Variants in TBCD observed in about 807,000 individuals in gnomAD.
The protein encoded by TBCD is tubulin folding cofactor D.
Under a neutral mutation model 169.3 loss-of-function variants are expected in TBCD, and 105 were observed. That is an observed-to-expected ratio of 0.62 (90% CI 0.53 to 0.73). TBCD has a LOEUF of 0.73. Among genes scored for constraint, TBCD ranks in the 30% least tolerant of loss-of-function variants. The probability of loss-of-function intolerance (pLI) is 0.00; values close to 1 mark genes in which losing one functional copy is unlikely to be tolerated. For synonymous variants in TBCD, 700 were observed against 643.9 expected, an observed-to-expected ratio of 1.09 and a Z score of -1.32; for missense variants, 1,444 against 1,600.1, an observed-to-expected ratio of 0.90 and a Z score of 1.66.
chr17:82,772,059 T>C (rs923426959), intron 5 of TBCD, among the ~76,000 whole-genome samples: 1 of 152,236 alleles, frequency 6.6e-6, no homozygotes, highest in African/African-American at 2.4e-5. Context: ...GGGCCTCTTA[T>C]CTAGTCTGAA....
chr17:82,831,592 G>T lies in TBCD; in HGVS notation c.1318+16658G>T. On this transcript the variant is annotated intron_variant, in intron 13 of 38. Coordinates refer to ENST00000355528, the MANE Select transcript of TBCD (RefSeq NM_005993.5). The surrounding 1 kb of genome is among the most constrained non-coding windows in gnomAD (Gnocchi z 4.6). ...AGCCAGGTGCTTAGGGATCGGCCCC[G>T]GGTGAGGCAGGAAGTGTCTCGGGTC... is the stretch of plus-strand genomic sequence containing the variant. The T allele has an allele frequency of 6.2e-7, 1 of 1,614,130 alleles. No individual in the cohort carries two copies. The highest frequency in any genetic ancestry group is 8.5e-7 in the Non-Finnish European group (1 of 1,179,992).
chr17:82,831,482 C>T lies in TBCD; in HGVS notation c.1318+16548C>T, dbSNP rs2053505833. 1.2e-6 allele frequency: 2 copies of T among 1,614,040 alleles called. No individual in the cohort carries two copies. The highest frequency in any genetic ancestry group is 1.7e-6 in the Non-Finnish European group (2 of 1,180,052). On this transcript the variant is annotated intron_variant, in intron 13 of 38. Coordinates refer to ENST00000355528, the MANE Select transcript of TBCD (RefSeq NM_005993.5). The surrounding 1 kb of genome is among the most constrained non-coding windows in gnomAD (Gnocchi z 4.6). ...AGACCATAGGAGGAAAATGCAGACT[C>T]TGGCCTGTAAAATCCGTAAGGAATC... is the stretch of plus-strand genomic sequence containing the variant.
chr17:82,837,820 C>A (rs761276391), intron 13 of TBCD, among the ~76,000 whole-genome samples: 6 of 152,220 alleles, frequency 3.9e-5, no homozygotes, highest in Non-Finnish European at 7.3e-5. Context: ...AACACACCTC[C>A]TCCGAGCCTG....
intron 13 of TBCD, among the ~76,000 whole-genome samples, chr17:82,862,246 G>C (rs1165020871): frequency 1.3e-5 from 2 of 152,198 alleles, no homozygotes; most frequent in Non-Finnish European, 2.9e-5. Flanking sequence ...TTATATTGTG[G>C]TGTGAGTTTA....
chr17:82,911,264 T>C (rs1396426617), intron 22 of TBCD, among the ~76,000 whole-genome samples: 37 of 152,038 alleles, frequency 2.4e-4, no homozygotes, highest in Admixed American at 2.4e-3. Flanking sequence ...CAGGAGTGAA[T>C]ATTTTGCCCT....
rs1240337802 is a variant in TBCD at position 82,884,401 on chromosome 17, C to T, written c.1533+199C>T. The stretch of plus-strand genomic sequence containing the variant: ...GCGTCTTCAGCGTGTGAAGGGCGGT[C>T]AGGGTTAAGCATCCCCAGAGCTGCA... On this transcript the variant is annotated intron_variant, in intron 15 of 38. Transcript: ENST00000355528. The surrounding 1 kb of genome is among the most constrained non-coding windows in gnomAD (Gnocchi z 4.2). Among the ~76,000 whole-genome samples the T allele has an allele frequency of 6.6e-6, 1 of 152,180 alleles. No individual in the cohort carries two copies. Among genetic ancestry groups the T allele is most frequent in the Non-Finnish European group, 1.5e-5 (1 of 68,032 alleles).
At position 82,929,459 on chromosome 17, in the gene TBCD, C is replaced by G; in HGVS notation, c.2950C>G (p.Leu984Val). 6.2e-7 allele frequency: 1 copy of G among 1,610,932 alleles called. No homozygotes were observed. Among genetic ancestry groups the G allele is most frequent in the Non-Finnish European group, 8.5e-7 (1 of 1,179,876 alleles). The change falls in exon 32 of 39, where the codon CTG (leucine) becomes GTG (valine). Residue 984 changes from leucine (L) to valine (V), a missense_variant. Transcript: ENST00000355528. ...GLPTYRYHVL[L>V]GLVVSLGGLT... ...GCCCACCTACCGCTACCACGTCCTG[C>G]TGGGGCTAGTCGTGTCCCTGGGCGG...
At chr17:82,867,772 A>C (rs2057280404) in intron 13 of TBCD, among the ~76,000 whole-genome samples, 1 of 152,160 alleles carries the variant, frequency 6.6e-6, no homozygotes, top group Non-Finnish European at 1.5e-5. Flanking sequence ...TAGAAGGAAA[A>C]TGTTTGACAT....
chr17:82,920,536 CT>C lies in TBCD; in HGVS notation c.2039-5del, dbSNP rs3214869. ...TTAGAAAAGTAACATTGCGTCTATCCTTTTTTTTTTTTTTTCCAGTGTGTGT... is the reference window on the plus strand; with the variant it reads ...TTAGAAAAGTAACATTGCGTCTATCCTTTTTTTTTTTTTTCCAGTGTGTGT... On this transcript the variant is annotated intron_variant, in intron 23 of 38. Coordinates refer to ENST00000355528, the MANE Select transcript of TBCD (RefSeq NM_005993.5). This position sits in a 1 kb window ranked among gnomAD's most constrained non-coding sequence, Gnocchi z 4.1. 0.083 allele frequency: 105,548 copies of C among 1,269,118 alleles called. 1 individual carries two copies. The highest frequency in any genetic ancestry group is 0.13 in the East Asian group (4,065 of 32,384). 78.6% of individuals were successfully genotyped at this position (1,269,118 alleles called of 1,614,324 possible).
At chr17:82,773,893 A>AT (rs1005928128) in intron 6 of TBCD, among the ~76,000 whole-genome samples, 13 of 150,136 alleles carry the variant, frequency 8.7e-5, no homozygotes, top group East Asian at 2.0e-4. Flanking sequence ...TGCTCAGCTA[A>AT]TTTTTTTTTG....
intron 13 of TBCD, among the ~76,000 whole-genome samples, chr17:82,819,807 T>A (rs1005750619): frequency 1.3e-5 from 2 of 152,192 alleles, no homozygotes; most frequent in African/African-American, 2.4e-5. Flanking sequence ...CTGGCGTAGG[T>A]CCTTTCACCT....
At position 82,929,444 on chromosome 17, in the gene TBCD, C is replaced by T. The variant is rs768723646; in HGVS notation, c.2935C>T (p.Arg979Cys). 6.9e-5 allele frequency: 112 copies of T among 1,611,870 alleles called. No homozygotes were observed. The highest frequency in any genetic ancestry group is 3.3e-4 in the Middle Eastern group (2 of 6,084). The change falls in exon 32 of 39, where the codon CGC becomes TGC. Residue 979 changes from arginine (R) to cysteine (C), a missense_variant. Transcript: ENST00000355528. ...ITQLLGLPTY[R>C]YHVLLGLVVS... ...CCAGCTCCTTGGGCTGCCCACCTAC[C>T]GCTACCACGTCCTGCTGGGGCTAGT...
At chr17:82,837,091 G>T (rs182540477) in intron 13 of TBCD, among the ~76,000 whole-genome samples, 3 of 152,176 alleles carry the variant, frequency 2.0e-5, no homozygotes, top group African/African-American at 7.2e-5. Context: ...GTTGTAAGCC[G>T]GGCGTAGGTC....
At chr17:82,871,942 G>A (rs2057598611) in intron 14 of TBCD, among the ~76,000 whole-genome samples, 1 of 146,464 alleles carries the variant, frequency 6.8e-6, no homozygotes, top group South Asian at 2.1e-4. Flanking sequence ...CTGGTAAGCA[G>A]CTCGTTGTGA....
In TBCD at chr17:82,831,305, C is replaced by T; in HGVS notation, c.1318+16371C>T. The T allele has an allele frequency of 3.7e-6, 6 of 1,613,958 alleles. No homozygotes were observed. Among genetic ancestry groups the T allele is most frequent in the Middle Eastern group, 3.3e-4 (2 of 6,062 alleles). ...TGCCCAGCCTTGGAGGAGTCTTTAG[C>T]CTCAGGAATTGGACTTTCGAACTCG... On this transcript the variant is annotated intron_variant, in intron 13 of 38. Transcript: ENST00000355528. The surrounding 1 kb of genome is among the most constrained non-coding windows in gnomAD (Gnocchi z 4.6).
chr17:82,938,009 G>T (rs760350165), intron 35 of TBCD, 40 bp from the exon 36 acceptor site: 7 of 1,609,346 alleles, frequency 4.3e-6, no homozygotes, highest in East Asian at 4.5e-5. Flanking sequence ...TGGCCTGCGC[G>T]GGGTGGGGCT....
rs1334681192 is a variant in TBCD at position 82,893,534 on chromosome 17, ACTTT to A, written c.1564-9_1564-6del. ...AAATTCTTCTTTTTCCCCCATTTCC[ACTTT>A]CTTATTAGGGCACTTTCCCTCATGG... is the stretch of plus-strand genomic sequence containing the variant. On this transcript the variant is annotated splice_polypyrimidine_tract_variant and intron_variant, in intron 16 of 38. Transcript: ENST00000355528. The A allele has an allele frequency of 1.3e-6, 2 of 1,591,698 alleles. No homozygotes were observed. The highest frequency in any genetic ancestry group is 1.7e-6 in the Non-Finnish European group (2 of 1,168,492).
chr17:82,887,177 G>GCGCGCGCGCGCGCGCGCA (rs2058809783), intron 15 of TBCD, among the ~76,000 whole-genome samples: 2 of 69,948 alleles, frequency 2.9e-5, no homozygotes, highest in South Asian at 7.7e-4. Flanking sequence ...GTGCGCGCGC[G>GCGCGCGCGCGCGCGCGCA]CGCACGTGCG....
intron 13 of TBCD, among the ~76,000 whole-genome samples, chr17:82,852,515 C>T (rs143712097): frequency 0.018 from 2,691 of 152,182 alleles, 35 homozygotes; most frequent in Non-Finnish European, 0.026. Context: ...GGCCTGCAGG[C>T]GCTGCCTTCC....
Sources: allele counts gnomAD v4.1 joint callset (sites outside exome capture counted in the v4.1 genomes callset), GRCh38; gene constraint gnomAD v4.1.1; non-coding constraint Gnocchi (gnomAD v3.1); transcripts MANE v1.5; gene names NCBI Gene and HGNC (gene_info 2026-07-23, HGNC 2026-07-21).